Variants in TNFRSF19 observed in about 807,000 individuals in gnomAD.
The protein encoded by TNFRSF19 is TNF receptor superfamily member 19, also known as tumor necrosis factor receptor superfamily member 19.
A neutral mutation model predicts 46.4 loss-of-function variants in TNFRSF19; 27 were observed. That is an observed-to-expected ratio of 0.58 (90% CI 0.43 to 0.80). The LOEUF (loss-of-function observed/expected upper bound fraction) is 0.80. Among genes scored for constraint, TNFRSF19 ranks in the 30% least tolerant of loss-of-function variants. The pLI is 0.00. For synonymous variants in TNFRSF19, 204 were observed against 205.0 expected, an observed-to-expected ratio of 1.00 and a Z score of 0.04; for missense variants, 511 against 530.8, an observed-to-expected ratio of 0.96 and a Z score of 0.37.
intron 3 of TNFRSF19, among the ~76,000 whole-genome samples, chr13:23,608,910 G>A (rs1234292656): frequency 6.6e-6 from 1 of 152,200 alleles, no homozygotes; most frequent in African/African-American, 2.4e-5. Flanking sequence ...TCTGAGCTAC[G>A]CTCGACCTTG....
intron 3 of TNFRSF19, among the ~76,000 whole-genome samples, chr13:23,609,536 C>T (rs777494724): frequency 2.6e-5 from 4 of 152,162 alleles, no homozygotes; most frequent in Non-Finnish European, 5.9e-5. Flanking sequence ...ACGATCGCCT[C>T]GCAGCAGTAA....
chr13:23,619,664 G>A (rs146515318), intron 4 of TNFRSF19, among the ~76,000 whole-genome samples: 11 of 152,106 alleles, frequency 7.2e-5, no homozygotes, highest in African/African-American at 2.7e-4. Context: ...GGACATGAAC[G>A]GAACATCTCA....
intron 5 of TNFRSF19, among the ~76,000 whole-genome samples, chr13:23,629,033 C>G (rs1455910612): frequency 6.7e-6 from 1 of 150,238 alleles, no homozygotes; most frequent in African/African-American, 2.4e-5. Context: ...ATTTTGGAGT[C>G]TTTTGGGAAA....
Position 23,673,658 on chromosome 13 carries a change from C to A in TNFRSF19, c.*278C>A. The A allele has an allele frequency of 1.1e-6, 1 of 905,338 alleles. No homozygotes were observed. Among genetic ancestry groups the A allele is most frequent in the Non-Finnish European group, 1.4e-6 (1 of 697,752 alleles). The allele number at this position is 905,338 out of a possible 1,614,324, so 56.1% of individuals were successfully genotyped here. A position where few individuals can be genotyped will look rare whatever the true frequency, so the allele number is the denominator to read the frequency against. On this transcript the variant is annotated 3_prime_UTR_variant, in exon 10 of 10. Transcript: ENST00000248484. ...AGCTTCTCTGCCACAAAAGTGACTT[C>A]AAAGACGGATGGGTTGAGCTGGCAG...
intron 1 of TNFRSF19, among the ~76,000 whole-genome samples, chr13:23,573,261 C>G (rs527744525): frequency 4.6e-5 from 7 of 152,184 alleles, no homozygotes; most frequent in Admixed American, 4.6e-4. Flanking sequence ...ACAGCCACTT[C>G]CTATTGTAGT....
chr13:23,574,669 G>C (rs980874443), intron 1 of TNFRSF19, among the ~76,000 whole-genome samples: 3 of 152,124 alleles, frequency 2.0e-5, no homozygotes, highest in African/African-American at 7.2e-5. Context: ...AAGCCACCCT[G>C]GAAGAATGAG....
At position 23,675,844 on chromosome 13, in the gene TNFRSF19, T is replaced by C. The variant is rs1951822270; in HGVS notation, c.*2464T>C. 6.6e-6 allele frequency: 1 copy of C among 152,216 alleles called. No homozygotes were observed. Among genetic ancestry groups the C allele is most frequent in the South Asian group, 2.1e-4 (1 of 4,830 alleles). 9.4% of individuals were successfully genotyped at this position (152,216 alleles called of 1,614,324 possible). A position where few individuals can be genotyped will look rare whatever the true frequency, so the allele number is the denominator to read the frequency against. ...ATTTTCTAATTTTGTGTATATGGAATATATTTTTAAATAGAGATTTTTCTA... is the reference window on the plus strand; with the variant it reads ...ATTTTCTAATTTTGTGTATATGGAACATATTTTTAAATAGAGATTTTTCTA... On this transcript the variant is annotated 3_prime_UTR_variant, in exon 10 of 10. Coordinates refer to ENST00000248484, the MANE Select transcript of TNFRSF19 (RefSeq NM_148957.4).
intron 4 of TNFRSF19, among the ~76,000 whole-genome samples, chr13:23,625,291 T>G (rs1175339683): frequency 6.6e-6 from 1 of 151,986 alleles, no homozygotes; most frequent in Non-Finnish European, 1.5e-5. Context: ...CCTAATTAGC[T>G]TTTTTCCTTT....
chr13:23,580,193 T>A (rs899505157), intron 1 of TNFRSF19, among the ~76,000 whole-genome samples: 1 of 152,224 alleles, frequency 6.6e-6, no homozygotes, highest in African/African-American at 2.4e-5. Context: ...GGATCAAAAT[T>A]CTGTGATCTG....
chr13:23,660,663 G>A (rs531139511), intron 7 of TNFRSF19, among the ~76,000 whole-genome samples, 173 bp downstream of exon 7: 25 of 152,234 alleles, frequency 1.6e-4, no homozygotes, highest in South Asian at 6.2e-4. Flanking sequence ...TGGGTGTTTC[G>A]AGTCTCTTAA....
At chr13:23,628,211 G>C (rs9550996) in intron 5 of TNFRSF19, among the ~76,000 whole-genome samples, 82,820 of 152,016 alleles carry the variant, frequency 0.54, 23,413 homozygotes, top group Middle Eastern at 0.62. Flanking sequence ...CTACCACAAC[G>C]TACTGTCTCC....
intron 3 of TNFRSF19, among the ~76,000 whole-genome samples, chr13:23,610,794 AG>A (rs555629499): frequency 2.7e-4 from 41 of 152,214 alleles, no homozygotes; most frequent in Middle Eastern, 3.4e-3. Context: ...GGAAGTAAGT[AG>A]GGGCCCTATA....
At chr13:23,624,494 C>A (rs1167089671) in intron 4 of TNFRSF19, among the ~76,000 whole-genome samples, 1 of 151,886 alleles carries the variant, frequency 6.6e-6, no homozygotes, top group Non-Finnish European at 1.5e-5. Flanking sequence ...GATAACTTAC[C>A]TAGTTTCAAA....
intron 5 of TNFRSF19, among the ~76,000 whole-genome samples, chr13:23,652,965 C>G (rs1883740062): frequency 6.6e-6 from 1 of 152,228 alleles, no homozygotes; most frequent in Non-Finnish European, 1.5e-5. Flanking sequence ...AAATACTAAG[C>G]TGCTGTAACA....
chr13:23,635,059 G>A (rs1192754313), intron 5 of TNFRSF19, among the ~76,000 whole-genome samples: 1 of 152,048 alleles, frequency 6.6e-6, no homozygotes, highest in Non-Finnish European at 1.5e-5. Context: ...TTTCCTTAAA[G>A]CCCTCATTCC....
chr13:23,619,480 T>C (rs1308869261), intron 4 of TNFRSF19, among the ~76,000 whole-genome samples: 1 of 151,804 alleles, frequency 6.6e-6, no homozygotes, highest in African/African-American at 2.4e-5. Context: ...ACTCTGTGAA[T>C]GTATGGAAAA....
In TNFRSF19 at chr13:23,650,800, CT is replaced by C. The variant is rs372138620; in HGVS notation, c.446-8243del. Among the ~76,000 whole-genome samples the C allele has an allele frequency of 5.4e-3, 817 of 152,124 alleles. 5 individuals are homozygous for C. Among genetic ancestry groups the C allele is most frequent in the African/African-American group, 0.019 (776 of 41,504 alleles). On this transcript the variant is annotated intron_variant, in intron 5 of 9. Transcript: ENST00000248484. ...TAAATGGAAGAGCAAACAGAACAAG[CT>C]TTTTTTGGAAATAATATTTCTTTTG...
chr13:23,596,609 T>C (rs139128182), intron 3 of TNFRSF19, among the ~76,000 whole-genome samples: 269 of 149,224 alleles, frequency 1.8e-3, no homozygotes, highest in Non-Finnish European at 2.6e-3. Flanking sequence ...AGCAAGTTCT[T>C]AGAGACCTAC....
intron 5 of TNFRSF19, among the ~76,000 whole-genome samples, chr13:23,632,601 CAT>C (rs1882421262): frequency 1.3e-5 from 2 of 152,128 alleles, no homozygotes; most frequent in African/African-American, 4.8e-5. Context: ...TTGTCAATAA[CAT>C]GTGATTTCAT....
Sources: allele counts gnomAD v4.1 joint callset (sites outside exome capture counted in the v4.1 genomes callset), GRCh38; gene constraint gnomAD v4.1.1; transcripts MANE v1.5; gene names NCBI Gene and HGNC (gene_info 2026-07-23, HGNC 2026-07-21).